Variants in ELMO1 observed in about 807,000 individuals in gnomAD.
The protein encoded by ELMO1 is engulfment and cell motility protein 1.
ELMO1 carries 26 observed loss-of-function variants against 98.9 expected under a neutral mutation model. The ratio of observed to expected loss-of-function variants is 0.26; its 90% CI spans 0.19 to 0.36. The LOEUF (loss-of-function observed/expected upper bound fraction) is 0.36, where lower values mean the gene tolerates loss of function less well. ELMO1 is among the 10% of genes least tolerant of loss of function. The probability of loss-of-function intolerance (pLI) is 1.00; values close to 1 mark genes in which losing one functional copy is unlikely to be tolerated. For synonymous variants in ELMO1, 346 were observed against 346.0 expected, an observed-to-expected ratio of 1.00 and a Z score of 0.00; for missense variants, 627 against 935.2, an observed-to-expected ratio of 0.67 and a Z score of 4.30.
chr7:37,004,104 G>T (rs954081092), intron 16 of ELMO1, among the ~76,000 whole-genome samples: 2 of 152,114 alleles, frequency 1.3e-5, no homozygotes, highest in African/African-American at 2.4e-5. Context: ...TTTCATGAGA[G>T]ATTCCCACCT....
At chr7:37,413,339 T>C (rs1188277916) in intron 1 of ELMO1, among the ~76,000 whole-genome samples, 1 of 152,156 alleles carries the variant, frequency 6.6e-6, no homozygotes, top group Non-Finnish European at 1.5e-5. Flanking sequence ...ATTGTGGTTA[T>C]TTGTGTGTCT....
intron 1 of ELMO1, among the ~76,000 whole-genome samples, chr7:37,405,218 GA>G (rs34397484): frequency 0.23 from 34,814 of 151,752 alleles, 4,218 homozygotes; most frequent in East Asian, 0.42. Context: ...CAACAATGGG[GA>G]AAAAAAACCC....
At chr7:36,981,296 G>C (rs971511265) in intron 16 of ELMO1, among the ~76,000 whole-genome samples, 6 of 151,524 alleles carry the variant, frequency 4.0e-5, no homozygotes, top group Admixed American at 6.6e-5. Context: ...CTCTAGGAAG[G>C]CTTTGCAGGA....
At chr7:37,121,675 G>A (rs1262033138) in intron 14 of ELMO1, among the ~76,000 whole-genome samples, 1 of 152,218 alleles carries the variant, frequency 6.6e-6, no homozygotes, top group African/African-American at 2.4e-5. Context: ...GTGACGGGGA[G>A]AATGGAACCA....
chr7:36,924,900 G>T (rs1221693084), intron 16 of ELMO1, among the ~76,000 whole-genome samples: 4 of 152,130 alleles, frequency 2.6e-5, no homozygotes, highest in Non-Finnish European at 5.9e-5. Context: ...GCATTCTGTG[G>T]AGGAAAAAAA....
At chr7:37,398,193 A>G (rs755156783) in intron 1 of ELMO1, among the ~76,000 whole-genome samples, 36 of 152,336 alleles carry the variant, frequency 2.4e-4, no homozygotes, top group Non-Finnish European at 3.5e-4. Context: ...AGGATGGCCA[A>G]TAATACACAT....
intron 16 of ELMO1, among the ~76,000 whole-genome samples, chr7:36,974,228 C>A (rs879518929): frequency 1.3e-5 from 2 of 152,222 alleles, no homozygotes; most frequent in Non-Finnish European, 2.9e-5. Context: ...TGTGGAGAAC[C>A]TTTATGTCTA....
Position 37,060,798 on chromosome 7 carries a change from T to C in ELMO1, c.1300+35821A>G, listed in dbSNP as rs576001550. ...TTATACTATAAACTAAGTAAATAAATTAATTTGTCAAAAATTTGGGGTAAT... is the reference window on the plus strand; with the variant it reads ...TTATACTATAAACTAAGTAAATAAACTAATTTGTCAAAAATTTGGGGTAAT... On this transcript the variant is annotated intron_variant, in intron 15 of 21. Coordinates refer to ENST00000310758, the MANE Select transcript of ELMO1 (RefSeq NM_014800.11). Among the ~76,000 whole-genome samples, 4 of 152,290 alleles carry C rather than the reference T, an allele frequency of 2.6e-5. No individual in the cohort carries two copies. In the South Asian group the frequency reaches 8.3e-4, roughly 32 times the overall value.
chr7:36,964,117 A>G (rs1320926077), intron 16 of ELMO1, among the ~76,000 whole-genome samples: 2 of 152,228 alleles, frequency 1.3e-5, no homozygotes, highest in Non-Finnish European at 2.9e-5. Context: ...TAGAGTGCCA[A>G]TAGTTTTTGT....
At chr7:36,975,845 GAAAAA>G (rs200193324) in intron 16 of ELMO1, among the ~76,000 whole-genome samples, 1 of 103,804 alleles carries the variant, frequency 9.6e-6, no homozygotes. Flanking sequence ...ACACTTGCCT[GAAAAA>G]AAAAAAAAAA....
At chr7:37,182,063 A>ATT in intron 13 of ELMO1, among the ~76,000 whole-genome samples, 1 of 151,876 alleles carries the variant, frequency 6.6e-6, no homozygotes, top group Non-Finnish European at 1.5e-5. Flanking sequence ...CGTTTTGCCC[A>ATT]AACTTGGATC....
intron 19 of ELMO1, among the ~76,000 whole-genome samples, chr7:36,873,597 C>T (rs1803711844): frequency 6.6e-6 from 1 of 152,222 alleles, no homozygotes; most frequent in South Asian, 2.1e-4. Flanking sequence ...CAATGATACA[C>T]AGCTAGGTTA....
intron 13 of ELMO1, among the ~76,000 whole-genome samples, chr7:37,202,923 G>C (rs1308396868): frequency 3.9e-5 from 6 of 151,982 alleles, no homozygotes; most frequent in Admixed American, 3.9e-4. Context: ...CCATGGTTTT[G>C]GTTTGTTTCT....
chr7:37,010,758 T>C (rs116719666), intron 16 of ELMO1, among the ~76,000 whole-genome samples: 1,646 of 152,304 alleles, frequency 0.011, 28 homozygotes, highest in African/African-American at 0.038. Flanking sequence ...GCTACTAAAT[T>C]TGTGGTAATT....
chr7:37,285,133 G>A (rs1237127292), intron 4 of ELMO1, among the ~76,000 whole-genome samples: 2 of 152,182 alleles, frequency 1.3e-5, no homozygotes, highest in African/African-American at 4.8e-5. Flanking sequence ...CATCACCCGT[G>A]GGTGGTGATG....
At chr7:37,132,954 C>G (rs1787027510) in intron 14 of ELMO1, 176 bp downstream of exon 14, 4 of 420,070 alleles carry the variant, frequency 9.5e-6, no homozygotes, top group Non-Finnish European at 1.7e-5. Flanking sequence ...TTAAAATCCT[C>G]ATTTCAGTCC....
rs1422431283 is a variant in ELMO1 at position 36,861,687 on chromosome 7, A to C, written c.1955T>G (p.Leu652Arg). The C allele has an allele frequency of 6.2e-7, 1 of 1,613,262 alleles. No individual in the cohort carries two copies. Among genetic ancestry groups the C allele is most frequent in the Non-Finnish European group, 8.5e-7 (1 of 1,179,832 alleles). ...ATGCTTGTCAGGAGCGATGAAGTTC[A>C]GTTGGCAGTTTGAGTCATACAAGAT... is the stretch of plus-strand genomic sequence containing the variant. ...FSILYDSNCQ[L>R]NFIAPDKHEY... The change falls in exon 21 of 22, where the codon CTG becomes CGG. Residue 652 changes from leucine (L) to arginine (R), a missense_variant. Physicochemically the swap from Leu to Arg is moderately radical, Grantham distance 102 (BLOSUM62 -2). Coordinates refer to ENST00000310758, the MANE Select transcript of ELMO1 (RefSeq NM_014800.11).
chr7:37,130,945 A>T (rs1786880265), intron 14 of ELMO1, among the ~76,000 whole-genome samples: 1 of 152,206 alleles, frequency 6.6e-6, no homozygotes, highest in Non-Finnish European at 1.5e-5. Flanking sequence ...ATTTTTATCA[A>T]AATGCAAATT....
chr7:37,420,438 TG>T, intron 1 of ELMO1, among the ~76,000 whole-genome samples: 2 of 152,356 alleles, frequency 1.3e-5, no homozygotes, highest in South Asian at 4.1e-4. Flanking sequence ...CCTGATTTTG[TG>T]TTATTTTCAT....
Sources: allele counts gnomAD v4.1 joint callset (sites outside exome capture counted in the v4.1 genomes callset), GRCh38; gene constraint gnomAD v4.1.1; transcripts MANE v1.5; gene names NCBI Gene and HGNC (gene_info 2026-07-23, HGNC 2026-07-21).